Variants in TNFAIP8 observed in about 807,000 individuals in gnomAD.
TNFAIP8 encodes tumor necrosis factor alpha-induced protein 8.
A neutral mutation model predicts 13.3 loss-of-function variants in TNFAIP8; 7 were observed. The ratio of observed to expected loss-of-function variants is 0.52; its 90% CI spans 0.30 to 0.99. TNFAIP8 has a LOEUF of 0.99. TNFAIP8 is among the 50% of genes least tolerant of loss of function. TNFAIP8 has a pLI of 0.07. For missense variants in TNFAIP8, 258 were observed against 236.9 expected (o/e 1.09, Z -0.58); for synonymous variants, 94 against 87.6 (o/e 1.07, Z -0.41).
intron 1 of TNFAIP8, among the ~76,000 whole-genome samples, chr5:119,356,500 G>C (rs565393196): frequency 9.2e-5 from 14 of 152,310 alleles, no homozygotes; most frequent in African/African-American, 2.9e-4. Context: ...GCCCTGAGTG[G>C]AGGGTCCCTT....
intron 1 of TNFAIP8, among the ~76,000 whole-genome samples, chr5:119,295,032 G>A (rs1311707926): frequency 2.6e-5 from 4 of 151,916 alleles, no homozygotes; most frequent in Admixed American, 1.3e-4. Context: ...CTGTGCAGAA[G>A]CTCTTTACTT....
At chr5:119,282,914 T>G (rs1235668927) in intron 1 of TNFAIP8, among the ~76,000 whole-genome samples, 5 of 152,256 alleles carry the variant, frequency 3.3e-5, no homozygotes, top group Admixed American at 6.5e-5. Flanking sequence ...TTTGCTCAAC[T>G]TATACACTGT....
chr5:119,394,172 CAAA>C lies in TNFAIP8; in HGVS notation c.*795_*797del, dbSNP rs1753008053. ...TTACATCCATTTCACATGTAAGAGA[CAAA>C]AAAGTCTAGATTGGTCTTGATATTG... On this transcript the variant is annotated 3_prime_UTR_variant, in exon 2 of 2. Coordinates refer to ENST00000504771, the MANE Select transcript of TNFAIP8 (RefSeq NM_014350.4). 2 of 152,028 alleles carry C rather than the reference CAAA, an allele frequency of 1.3e-5. No individual in the cohort carries two copies. The highest frequency in any genetic ancestry group is 4.2e-4 in the South Asian group (2 of 4,810). 9.4% of individuals were successfully genotyped at this position (152,028 alleles called of 1,614,324 possible).
At chr5:119,290,707 A>G (rs1748956755) in intron 1 of TNFAIP8, among the ~76,000 whole-genome samples, 1 of 152,214 alleles carries the variant, frequency 6.6e-6, no homozygotes, top group Non-Finnish European at 1.5e-5. Context: ...GAAGATCTGC[A>G]TAATAATGGA....
At chr5:119,329,477 T>G (rs987396503) in intron 1 of TNFAIP8, among the ~76,000 whole-genome samples, 4 of 152,134 alleles carry the variant, frequency 2.6e-5, no homozygotes, top group Admixed American at 1.3e-4. Context: ...CTACCTGGCC[T>G]TGTGAGGTCT....
At chr5:119,383,300 C>T (rs1752554442) in intron 1 of TNFAIP8, among the ~76,000 whole-genome samples, 1 of 152,236 alleles carries the variant, frequency 6.6e-6, no homozygotes, top group African/African-American at 2.4e-5. Flanking sequence ...GGGTCAGTCA[C>T]AGATCTGTTG....
intron 1 of TNFAIP8, among the ~76,000 whole-genome samples, chr5:119,287,293 T>TTTG (rs1554167964): frequency 2.9e-5 from 4 of 138,222 alleles, no homozygotes; most frequent in Non-Finnish European, 6.3e-5. Flanking sequence ...TTTTTTTTTT[T>TTTG]TTTTTTTGCT....
chr5:119,369,228 A>G (rs1751986778), intron 1 of TNFAIP8, among the ~76,000 whole-genome samples: 2 of 151,646 alleles, frequency 1.3e-5, no homozygotes, highest in African/African-American at 2.4e-5. Context: ...TAATTTTTGT[A>G]TTTTTATTAG....
intron 1 of TNFAIP8, among the ~76,000 whole-genome samples, chr5:119,290,696 C>T (rs1023172467): frequency 2.6e-5 from 4 of 151,898 alleles, no homozygotes; most frequent in African/African-American, 4.8e-5. Flanking sequence ...TATGAAGAGG[C>T]GAAGATCTGC....
chr5:119,298,043 G>A (rs1487000743), intron 1 of TNFAIP8, among the ~76,000 whole-genome samples: 1 of 152,288 alleles, frequency 6.6e-6, no homozygotes, highest in Admixed American at 6.5e-5. Flanking sequence ...ACACTGATGG[G>A]TCTTGACTCT....
At chr5:119,376,525 C>T (rs910508109) in intron 1 of TNFAIP8, among the ~76,000 whole-genome samples, 7 of 152,058 alleles carry the variant, frequency 4.6e-5, no homozygotes, top group Non-Finnish European at 1.0e-4. Context: ...CCTCTTATTT[C>T]GGTTGTTTTA....
At chr5:119,331,491 T>A (rs1351991906) in intron 1 of TNFAIP8, among the ~76,000 whole-genome samples, 1 of 152,174 alleles carries the variant, frequency 6.6e-6, no homozygotes, top group Non-Finnish European at 1.5e-5. Flanking sequence ...GTGCAGATGC[T>A]TTGCTTTTTG....
intron 1 of TNFAIP8, chr5:119,306,720 C>T (rs1749578546): frequency 6.6e-6 from 1 of 152,090 alleles, no homozygotes; most frequent in Admixed American, 6.5e-5. Context: ...TACCCTGTCC[C>T]AGTGATTATC....
chr5:119,396,850 C>T lies in TNFAIP8; in HGVS notation c.*3469C>T, dbSNP rs960129685. 6.6e-6 allele frequency: 1 copy of T among 151,640 alleles called. No homozygotes were observed. Among genetic ancestry groups the T allele is most frequent in the Non-Finnish European group, 1.5e-5 (1 of 67,938 alleles). 9.4% of individuals were successfully genotyped at this position (151,640 alleles called of 1,614,324 possible). ...GCTACTAAAAATACACAAGATTAGC[C>T]AGATGTGGTGGCAGGCACCTGTAAT... is the stretch of plus-strand genomic sequence containing the variant. On this transcript the variant is annotated 3_prime_UTR_variant, in exon 2 of 2. Transcript: ENST00000504771.
chr5:119,328,478 C>T (rs1167186530), intron 1 of TNFAIP8, among the ~76,000 whole-genome samples: 1 of 152,192 alleles, frequency 6.6e-6, no homozygotes, highest in Non-Finnish European at 1.5e-5. Flanking sequence ...AAACCACCTT[C>T]TGCTACCTTA....
At chr5:119,302,602 A>G (rs1419585797) in intron 1 of TNFAIP8, among the ~76,000 whole-genome samples, 1 of 151,960 alleles carries the variant, frequency 6.6e-6, no homozygotes, top group East Asian at 1.9e-4. Flanking sequence ...CACTCCTTTT[A>G]CCCCACAGTC....
At chr5:119,388,387 A>T (rs7726779) in intron 1 of TNFAIP8, among the ~76,000 whole-genome samples, 2,597 of 152,342 alleles carry the variant, frequency 0.017, 67 homozygotes, top group African/African-American at 0.057. Context: ...ACAGGCCAAC[A>T]TGTTTTCATA....
At chr5:119,365,905 G>T (rs1466503336) in intron 1 of TNFAIP8, among the ~76,000 whole-genome samples, 1 of 152,154 alleles carries the variant, frequency 6.6e-6, no homozygotes, top group Admixed American at 6.5e-5. Context: ...AGCACCCACT[G>T]TAAGGGAAAG....
upstream of TNFAIP8, chr5:119,355,891 G>A (rs886073764): frequency 2.5e-6 from 3 of 1,190,076 alleles, no homozygotes; most frequent in Admixed American, 3.7e-5. Context: ...CAGCTGACAC[G>A]CGATTCGTCA....
Sources: allele counts gnomAD v4.1 joint callset (sites outside exome capture counted in the v4.1 genomes callset), GRCh38; gene constraint gnomAD v4.1.1; transcripts MANE v1.5; gene names NCBI Gene and HGNC (gene_info 2026-07-23, HGNC 2026-07-21).